Variants in ATP11A observed in about 807,000 individuals in gnomAD.
ATP11A encodes ATPase phospholipid transporting 11A.
Under a neutral mutation model 154.4 loss-of-function variants are expected in ATP11A, and 81 were observed. That is an observed-to-expected ratio of 0.52 (90% CI 0.44 to 0.63). The LOEUF is 0.63. Among genes scored for constraint, ATP11A ranks in the 30% least tolerant of loss-of-function variants. ATP11A has a pLI of 0.00. For synonymous variants in ATP11A, 623 were observed against 585.9 expected (o/e 1.06, Z -0.91); for missense variants, 1,316 against 1,474.3 (o/e 0.89, Z 1.76).
In ATP11A at chr13:112,838,970, G is replaced by T. The variant is rs1210394301; in HGVS notation, c.1705+2719G>T. Among the ~76,000 whole-genome samples, 1 of 152,190 alleles carries T rather than the reference G, an allele frequency of 6.6e-6. No homozygotes were observed. The highest frequency in any genetic ancestry group is 2.1e-4 in the South Asian group (1 of 4,836). On this transcript the variant is annotated intron_variant, in intron 16 of 29. Coordinates refer to ENST00000375645, the MANE Select transcript of ATP11A (RefSeq NM_015205.3). This position sits in a 1 kb window ranked among gnomAD's most constrained non-coding sequence, Gnocchi z 7.3. The stretch of plus-strand genomic sequence containing the variant: ...TTCCTCCTGGGCTCAGCCCTGTAGG[G>T]GGTTGCGGCTGTCAGAGCCGGATCT...
chr13:112,798,346 G>A (rs758811589), intron 2 of ATP11A, among the ~76,000 whole-genome samples: 12 of 152,122 alleles, frequency 7.9e-5, no homozygotes, highest in Admixed American at 3.3e-4. Context: ...TTGCCCAGAC[G>A]GGTTTAGAAC....
At chr13:112,733,259 A>G (rs895726971) in intron 1 of ATP11A, among the ~76,000 whole-genome samples, 1 of 152,154 alleles carries the variant, frequency 6.6e-6, no homozygotes, top group Non-Finnish European at 1.5e-5. Flanking sequence ...CAGCATCTCC[A>G]CTTTACTTAA....
At chr13:112,845,133 C>T (rs1319017792) in intron 17 of ATP11A, among the ~76,000 whole-genome samples, 4 of 151,300 alleles carry the variant, frequency 2.6e-5, no homozygotes, top group South Asian at 2.1e-4. Flanking sequence ...GTCCAAGTGC[C>T]GGGCAGTAGC....
At chr13:112,800,332 T>G (rs367548803) in intron 2 of ATP11A, among the ~76,000 whole-genome samples, 1 of 152,018 alleles carries the variant, frequency 6.6e-6, no homozygotes, top group African/African-American at 2.4e-5. Context: ...ACTGGTAACA[T>G]GGCTAATAAA....
In ATP11A at chr13:112,836,033, C is replaced by T. The variant is rs1400995346; in HGVS notation, c.1632-145C>T. 8 of 537,426 alleles carry T rather than the reference C, an allele frequency of 1.5e-5. No homozygotes were observed. In the Admixed American group the frequency reaches 2.4e-4, roughly 16 times the overall value. The allele number at this position is 537,426 out of a possible 1,614,324, so 33.3% of individuals were successfully genotyped here. On this transcript the variant is annotated intron_variant, in intron 15 of 29. Coordinates refer to ENST00000375645, the MANE Select transcript of ATP11A (RefSeq NM_015205.3). The stretch of plus-strand genomic sequence containing the variant: ...CTCTCAGGGCATCCATGGGAGGACA[C>T]CCCTCACCCAGCAGCCCTCTGTGTG...
At chr13:112,713,543 CAGAT>C (rs1187407733) in intron 1 of ATP11A, among the ~76,000 whole-genome samples, 2 of 152,162 alleles carry the variant, frequency 1.3e-5, no homozygotes, top group Non-Finnish European at 2.9e-5. Context: ...GCATAAGTGA[CAGAT>C]AGTTTTGTAG....
intron 1 of ATP11A, among the ~76,000 whole-genome samples, chr13:112,692,960 A>G (rs920320645): frequency 2.0e-5 from 3 of 152,236 alleles, no homozygotes; most frequent in Non-Finnish European, 2.9e-5. Flanking sequence ...GGATAGATAA[A>G]TAGACCCTGT....
intron 1 of ATP11A, among the ~76,000 whole-genome samples, chr13:112,742,014 A>G (rs1891607968): frequency 6.6e-6 from 1 of 151,188 alleles, no homozygotes; most frequent in South Asian, 2.1e-4. Context: ...CCCTCCCCAC[A>G]GAAGAGTGCT....
chr13:112,802,509 C>T lies in ATP11A; in HGVS notation c.163-2448C>T, dbSNP rs537133512. Among the ~76,000 whole-genome samples, 36 of 139,128 alleles carry T rather than the reference C, an allele frequency of 2.6e-4. No individual in the cohort carries two copies. The East Asian group carries it at 7.7e-3, about 30-fold the overall frequency. 91.3% of individuals were successfully genotyped at this position (139,128 alleles called of 152,430 possible). ...AGGCAATTCAGGGCAGACAGAAAAG[C>T]ACTATTTCTTTTCAACAAATAGTGC... is the stretch of plus-strand genomic sequence containing the variant. On this transcript the variant is annotated intron_variant, in intron 2 of 29. Transcript: ENST00000375645.
rs758199797 is a variant in ATP11A, at chr13:112,851,164, A to T, written c.1937A>T (p.Tyr646Phe). 3.7e-6 allele frequency: 6 copies of T among 1,614,112 alleles called. No individual in the cohort carries two copies. The African/African-American group carries it at 6.7e-5, about 18-fold the overall frequency. ...QDREKKLAEAYEQIEKDLTLL... is the reference protein window; with the variant it reads ...QDREKKLAEAFEQIEKDLTLL... ...CGAGAGAAAAAGTTAGCAGAAGCCT[A>T]TGAGCAAATAGAGAAAGATCTTACT... is the stretch of plus-strand genomic sequence containing the variant. The change falls in exon 18 of 30, where the codon TAT becomes TTT. Residue 646 changes from tyrosine to phenylalanine, a missense_variant. By Grantham distance (22) the Tyr-to-Phe change is conservative. Around this residue, in one of 5 missense-constraint regions of ATP11A, gnomAD observed 876 missense variants for 1,006.8 expected, o/e 0.87. Transcript: ENST00000375645.
intron 28 of ATP11A, chr13:112,876,157 T>A (rs1478404445): frequency 7.0e-6 from 3 of 426,308 alleles, no homozygotes; most frequent in African/African-American, 2.0e-5. Context: ...TAAACAGTCA[T>A]CTGAAATGAG....
In ATP11A at chr13:112,873,804, G is replaced by A. The variant is rs868632087; in HGVS notation, c.3161+128G>A. On this transcript the variant is annotated intron_variant, in intron 27 of 29. Coordinates refer to ENST00000375645, the MANE Select transcript of ATP11A (RefSeq NM_015205.3). Reference sequence around the variant, plus strand: ...GGCAAGTGTTTGTTGAATGGCTGCTGTGTGCTGGGTGTCGTGGGGTCCTGG... The same window carrying A: ...GGCAAGTGTTTGTTGAATGGCTGCTATGTGCTGGGTGTCGTGGGGTCCTGG... The A allele has an allele frequency of 3.9e-5, 34 of 870,370 alleles. No individual in the cohort carries two copies. The Middle Eastern group carries it at 1.6e-3, about 42-fold the overall frequency. The allele number at this position is 870,370 out of a possible 1,614,324, so 53.9% of individuals were successfully genotyped here. A position where few individuals can be genotyped will look rare whatever the true frequency, so the allele number is the denominator to read the frequency against.
chr13:112,835,554 A>G (rs1198225284), intron 15 of ATP11A, among the ~76,000 whole-genome samples: 1 of 152,124 alleles, frequency 6.6e-6, no homozygotes, highest in Non-Finnish European at 1.5e-5. Context: ...CGTGGCCTAG[A>G]TGAGAGCCCC....
At chr13:112,829,059 G>C (rs573861306) in intron 12 of ATP11A, among the ~76,000 whole-genome samples, 24 of 152,320 alleles carry the variant, frequency 1.6e-4, no homozygotes, top group African/African-American at 5.5e-4. Context: ...CAGTGCTATT[G>C]CGCCGTTTCT....
intron 25 of ATP11A, among the ~76,000 whole-genome samples, chr13:112,867,244 AAG>A (rs2080364839): frequency 1.3e-5 from 2 of 152,324 alleles, no homozygotes; most frequent in South Asian, 4.1e-4. Context: ...AAGCTGAGGA[AAG>A]AGAAGTTCGG....
chr13:112,702,467 G>T (rs540010375), intron 1 of ATP11A, among the ~76,000 whole-genome samples: 26 of 152,360 alleles, frequency 1.7e-4, no homozygotes, highest in Middle Eastern at 3.4e-3. Context: ...GTGCACACGG[G>T]GGGTGCGTGA....
rs114712553 is a variant in ATP11A at position 112,760,927 on chromosome 13, C to A, written c.40-24208C>A. Among the ~76,000 whole-genome samples the A allele has an allele frequency of 4.0e-3, 602 of 152,174 alleles. 4 individuals carry two copies. The highest frequency in any genetic ancestry group is 0.014 in the African/African-American group (568 of 41,446). On this transcript the variant is annotated intron_variant, in intron 1 of 29. Coordinates refer to ENST00000375645, the MANE Select transcript of ATP11A (RefSeq NM_015205.3). ...GACCCCTTAGCCACAGTTTCCCTTTCTGTAGTTTCAGTTACTTGAGATAAC... is the reference window on the plus strand; with the variant it reads ...GACCCCTTAGCCACAGTTTCCCTTTATGTAGTTTCAGTTACTTGAGATAAC...
At chr13:112,880,551 T>A (rs1248471211) in intron 29 of ATP11A, 2 of 1,298,660 alleles carry the variant, frequency 1.5e-6, no homozygotes, top group South Asian at 1.2e-5. Flanking sequence ...TGCAGAGGGG[T>A]GTGAAGCACA....
chr13:112,862,650 C>G, intron 25 of ATP11A, 75 bp downstream of exon 25: 1 of 1,595,878 alleles, frequency 6.3e-7, no homozygotes, highest in Admixed American at 1.7e-5. Flanking sequence ...ATGATTTTGC[C>G]AAAGCAGAAT....
Sources: gnomAD v4.1 joint callset for allele counts (sites outside exome capture counted in the v4.1 genomes callset) on GRCh38, gnomAD v4.1.1 for gene constraint, gnomAD v4.1.1 regional missense constraint, Gnocchi (gnomAD v3.1) non-coding constraint, MANE v1.5 for transcripts, NCBI Gene and HGNC (gene_info 2026-07-23, HGNC 2026-07-21) for gene names.